The following NFASC variants were observed in gnomAD, a reference collection of about 807,000 sequenced individuals.
NFASC encodes neurofascin homolog.
NFASC carries 43 observed loss-of-function variants against 147.5 expected under a neutral mutation model. The observed-to-expected ratio is 0.29, with a 90% confidence interval of 0.23 to 0.38. The LOEUF (loss-of-function observed/expected upper bound fraction) is 0.38, where lower values mean the gene tolerates loss of function less well. Ranked by LOEUF, NFASC falls within the 10% of genes least tolerant of loss-of-function variation. The pLI is 1.00. For synonymous variants in NFASC, 622 were observed against 665.5 expected, an observed-to-expected ratio of 0.93 and a Z score of 1.01; for missense variants, 1,320 against 1,689.0, an observed-to-expected ratio of 0.78 and a Z score of 3.83.
At position 204,954,994 on chromosome 1, in the gene NFASC, AG is replaced by A. The variant is rs1177815702; in HGVS notation, c.535+48del. 8.8e-7 allele frequency: 1 copy of A among 1,137,616 alleles called. No homozygotes were observed. The highest frequency in any genetic ancestry group is 3.3e-5 in the East Asian group (1 of 29,942). 70.5% of individuals were successfully genotyped at this position (1,137,616 alleles called of 1,614,324 possible). A position where few individuals can be genotyped will look rare whatever the true frequency, so the allele number is the denominator to read the frequency against. On this transcript the variant is annotated intron_variant, in intron 7 of 29. Coordinates refer to ENST00000339876, the MANE Select transcript of NFASC (RefSeq NM_001005388.3). The surrounding 1 kb of genome is among the most constrained non-coding windows in gnomAD (Gnocchi z 5.7). Reference sequence around the variant, plus strand: ...GGTGTTGTGTTTATATCTTAACCTTAGGGGGTGGGGTGGGTGTGTTAAGTGG... The same window carrying A: ...GGTGTTGTGTTTATATCTTAACCTTAGGGGTGGGGTGGGTGTGTTAAGTGG...
intron 2 of NFASC, among the ~76,000 whole-genome samples, chr1:204,930,114 A>C (rs540297248): frequency 1.3e-5 from 2 of 152,292 alleles, no homozygotes; most frequent in Admixed American, 6.5e-5. Flanking sequence ...AGAGAAAGGA[A>C]GAGACTGAGA....
chr1:204,984,028 T>A, intron 21 of NFASC: 1 of 1,611,734 alleles, frequency 6.2e-7, no homozygotes, highest in Non-Finnish European at 8.5e-7. Context: ...ACATTGCAGA[T>A]CCCAGGGCTG....
At chr1:204,836,331 G>A (rs982680175) in intron 1 of NFASC, among the ~76,000 whole-genome samples, 3 of 152,146 alleles carry the variant, frequency 2.0e-5, no homozygotes, top group East Asian at 1.9e-4. Context: ...TTGACCATAA[G>A]CCAAATTATT....
At chr1:204,983,674 AAG>A (rs1331437886) in intron 21 of NFASC, among the ~76,000 whole-genome samples, 1 of 152,158 alleles carries the variant, frequency 6.6e-6, no homozygotes, top group Non-Finnish European at 1.5e-5. Context: ...GCCTGAGAAC[AAG>A]GGAACCCCGC....
chr1:204,836,299 C>G (rs991591402), intron 1 of NFASC, among the ~76,000 whole-genome samples: 1 of 152,104 alleles, frequency 6.6e-6, no homozygotes, highest in African/African-American at 2.4e-5. Flanking sequence ...GTGGAAGAAT[C>G]TCCCCTATAT....
chr1:204,936,662 G>A (rs1384928836), intron 2 of NFASC, among the ~76,000 whole-genome samples: 1 of 152,126 alleles, frequency 6.6e-6, no homozygotes, highest in Non-Finnish European at 1.5e-5. Context: ...TCACTCAGAG[G>A]CTGTGGAGCC....
Position 204,982,093 on chromosome 1 carries a change from A to G in NFASC, c.2470+73A>G, listed in dbSNP as rs2095520057. On this transcript the variant is annotated intron_variant, in intron 21 of 29. Coordinates refer to ENST00000339876, the MANE Select transcript of NFASC (RefSeq NM_001005388.3). Reference sequence around the variant, plus strand: ...TCGCACGAGGCCACGCTCACAGGCCAGGAACCTTGGGGTGGGTATGGGAGG... The same window carrying G: ...TCGCACGAGGCCACGCTCACAGGCCGGGAACCTTGGGGTGGGTATGGGAGG... The G allele has an allele frequency of 5.7e-6, 6 of 1,048,748 alleles. No individual in the cohort carries two copies. The South Asian group carries it at 7.3e-5, about 13-fold the overall frequency. The allele number at this position is 1,048,748 out of a possible 1,614,324, so 65.0% of individuals were successfully genotyped here. A position where few individuals can be genotyped will look rare whatever the true frequency, so the allele number is the denominator to read the frequency against.
intron 1 of NFASC, among the ~76,000 whole-genome samples, chr1:204,920,427 C>CTT (rs11381518): frequency 6.5e-4 from 78 of 119,542 alleles, no homozygotes; most frequent in African/African-American, 1.6e-3. Flanking sequence ...AGGATCTGTC[C>CTT]TTTTTTTTTT....
chr1:204,997,494 A>C, intron 25 of NFASC, 88 bp downstream of exon 25: 6 of 1,459,026 alleles, frequency 4.1e-6, no homozygotes, highest in Non-Finnish European at 5.6e-6. Context: ...CCCAGCGAGG[A>C]GGTGGGGTCT....
chr1:204,980,521 C>T lies in NFASC; in HGVS notation c.2247+81C>T, dbSNP rs958166691. 9.7e-6 allele frequency: 10 copies of T among 1,025,712 alleles called. No individual in the cohort carries two copies. The Admixed American group carries it at 1.4e-4, about 15-fold the overall frequency. 63.5% of individuals were successfully genotyped at this position (1,025,712 alleles called of 1,614,324 possible). ...GCCCCTCTCCCTTGATGCCCCGACA[C>T]TACGAGGCCATGATGTGGTTCAGAC... is the stretch of plus-strand genomic sequence containing the variant. On this transcript the variant is annotated intron_variant, in intron 20 of 29. Transcript: ENST00000339876.
intron 24 of NFASC, chr1:204,993,900 G>A (rs934578216): frequency 1.2e-5 from 5 of 429,938 alleles, no homozygotes; most frequent in Non-Finnish European, 2.4e-5. Flanking sequence ...AGCAGTGGAA[G>A]GTTTTCCCCA....
At chr1:204,991,391 G>T (rs1299054942) in intron 24 of NFASC, 85 bp downstream of exon 24, 1 of 1,416,206 alleles carries the variant, frequency 7.1e-7, no homozygotes, top group Non-Finnish European at 9.8e-7. Flanking sequence ...CAAGGAGGGA[G>T]AGGCTCAGGC....
intron 1 of NFASC, among the ~76,000 whole-genome samples, chr1:204,913,013 G>A (rs2088042247): frequency 6.6e-6 from 1 of 152,198 alleles, no homozygotes. Context: ...GAATGACAGA[G>A]CAAGACCCCA....
chr1:204,929,871 T>C (rs976137292), intron 2 of NFASC, among the ~76,000 whole-genome samples: 1 of 152,212 alleles, frequency 6.6e-6, no homozygotes, highest in African/African-American at 2.4e-5. Context: ...CCTAGGAGAC[T>C]CATAGTTCTG....
intron 1 of NFASC, among the ~76,000 whole-genome samples, chr1:204,892,572 A>T (rs2082618486): frequency 6.6e-6 from 1 of 152,246 alleles, no homozygotes; most frequent in African/African-American, 2.4e-5. Flanking sequence ...CCACTAGCCC[A>T]TGTGACTATT....
intron 1 of NFASC, among the ~76,000 whole-genome samples, chr1:204,908,294 T>C (rs754586879): frequency 3.3e-5 from 5 of 152,294 alleles, no homozygotes; most frequent in Non-Finnish European, 7.4e-5. Context: ...AGAATATATT[T>C]TTACAATATT....
At chr1:204,833,976 A>G (rs1266623051) in intron 1 of NFASC, among the ~76,000 whole-genome samples, 1 of 152,222 alleles carries the variant, frequency 6.6e-6, no homozygotes, top group Non-Finnish European at 1.5e-5. Context: ...GTAAATATTC[A>G]TCAGATGCTA....
chr1:204,842,902 C>T (rs1675780115), intron 1 of NFASC, among the ~76,000 whole-genome samples: 1 of 152,182 alleles, frequency 6.6e-6, no homozygotes. Flanking sequence ...TGGGAGTTGT[C>T]TGCCATTGGT....
chr1:204,991,255 C>G, intron 23 of NFASC, 37 bp from the exon 24 acceptor site: 1 of 1,610,122 alleles, frequency 6.2e-7, no homozygotes, highest in Non-Finnish European at 8.5e-7. Context: ...CATCCTTTCT[C>G]CCTCTGTCTG....
Sources: allele counts gnomAD v4.1 joint callset (sites outside exome capture counted in the v4.1 genomes callset), GRCh38; gene constraint gnomAD v4.1.1; non-coding constraint Gnocchi (gnomAD v3.1); transcripts MANE v1.5; gene names NCBI Gene and HGNC (gene_info 2026-07-23, HGNC 2026-07-21).